MORC2: variants seen among roughly 807,000 people sequenced by gnomAD.
The protein encoded by MORC2 is ATPase MORC2.
Under a neutral mutation model 136.0 loss-of-function variants are expected in MORC2, and 30 were observed. The observed-to-expected ratio is 0.22, with a 90% CI of 0.17 to 0.30. The LOEUF (loss-of-function observed/expected upper bound fraction) is 0.30, where lower values mean the gene tolerates loss of function less well. Ranked by LOEUF, MORC2 falls within the 10% of genes least tolerant of loss-of-function variation. The probability of loss-of-function intolerance (pLI) is 1.00; values close to 1 mark genes in which losing one functional copy is unlikely to be tolerated. For missense variants in MORC2, 922 were observed against 1,333.1 expected (o/e 0.69, Z 4.80); for synonymous variants, 439 against 487.0 (o/e 0.90, Z 1.30).
At chr22:30,967,791 G>GTTACCTCA in intron 1 of MORC2, 31 bp downstream of exon 1, 1 of 1,550,342 alleles carries the variant, frequency 6.5e-7, no homozygotes, top group East Asian at 2.4e-5. Context: ...CGAGTTACTG[G>GTTACCTCA]TTACCTCAGT....
chr22:30,938,565 G>A lies in MORC2; in HGVS notation c.1074-360C>T, dbSNP rs190200848. Among the ~76,000 whole-genome samples the A allele has an allele frequency of 3.2e-4, 49 of 152,232 alleles. No individual in the cohort carries two copies. The East Asian group carries it at 9.1e-3, about 28-fold the overall frequency. Reference sequence around the variant, plus strand: ...TCCCCAAAATTCCACTAGTATGATAGTAAATTATTATAATTTTTTTTTGAG... The same window carrying A: ...TCCCCAAAATTCCACTAGTATGATAATAAATTATTATAATTTTTTTTTGAG... On this transcript the variant is annotated intron_variant, in intron 12 of 25. Transcript: ENST00000397641.
At chr22:30,938,229 C>CG in intron 12 of MORC2, 24 bp from the exon 13 acceptor site, 4 of 1,450,432 alleles carry the variant, frequency 2.8e-6, no homozygotes, top group South Asian at 1.5e-5. Context: ...AAAACTCAAG[C>CG]AGATCTACAC....
chr22:30,961,143 T>G (rs1330277090), intron 1 of MORC2, among the ~76,000 whole-genome samples: 1 of 152,184 alleles, frequency 6.6e-6, no homozygotes, highest in Non-Finnish European at 1.5e-5. Context: ...GTGCTGGAAT[T>G]ACAGGCGTGA....
intron 1 of MORC2, among the ~76,000 whole-genome samples, chr22:30,964,429 C>T (rs1206682980): frequency 4.6e-5 from 7 of 152,054 alleles, no homozygotes; most frequent in Non-Finnish European, 4.4e-5. Context: ...ACTAAATGTG[C>T]CAACAAAAAT....
rs2040590450 is a variant in MORC2 at position 30,932,541 on chromosome 22, G to A, written c.2747+4C>T. 6.2e-7 allele frequency: 1 copy of A among 1,612,990 alleles called. No individual in the cohort carries two copies. Among genetic ancestry groups the A allele is most frequent in the Admixed American group, 1.7e-5 (1 of 59,956 alleles). ...TGGGGTGGGAAGACAAAAGACACAT[G>A]TACCGGAGGATCTGGACAAGCAGGT... On this transcript the variant is annotated splice_donor_region_variant and intron_variant, in intron 23 of 25. Transcript: ENST00000397641. This position sits in a 1 kb window ranked among gnomAD's most constrained non-coding sequence, Gnocchi z 4.4.
intron 1 of MORC2, chr22:30,967,028 C>T: frequency 1.1e-6 from 1 of 916,720 alleles, no homozygotes; most frequent in Non-Finnish European, 1.3e-6. Flanking sequence ...TGTAGCTGCT[C>T]ATCTCCTCTC....
At chr22:30,956,006 C>CAAAAAA (rs576674402) in intron 3 of MORC2, among the ~76,000 whole-genome samples, 1 of 51,532 alleles carries the variant, frequency 1.9e-5, no homozygotes, top group African/African-American at 7.6e-5. Context: ...GACTCCATCT[C>CAAAAAA]AAAAAAAAAA....
intron 1 of MORC2, among the ~76,000 whole-genome samples, chr22:30,964,987 A>C (rs2041104930): frequency 6.6e-6 from 1 of 152,252 alleles, no homozygotes; most frequent in Non-Finnish European, 1.5e-5. Flanking sequence ...ACATCATTTC[A>C]TATAATCCTC....
chr22:30,928,256 C>T, intron 24 of MORC2, 49 bp from the exon 25 acceptor site: 1 of 1,598,676 alleles, frequency 6.3e-7, no homozygotes, highest in Non-Finnish European at 8.6e-7. Context: ...ACAGGGGTCC[C>T]CAGGGCCCTT....
intron 20 of MORC2, 101 bp downstream of exon 20, chr22:30,933,959 G>T: frequency 6.9e-7 from 1 of 1,452,964 alleles, no homozygotes; most frequent in Non-Finnish European, 9.5e-7. Context: ...TGTGTAGACT[G>T]CTGGTGGATG....
intron 25 of MORC2, among the ~76,000 whole-genome samples, chr22:30,927,537 C>T (rs1258619830): frequency 6.6e-6 from 1 of 152,212 alleles, no homozygotes; most frequent in Non-Finnish European, 1.5e-5. Context: ...TACTGTATCT[C>T]CTTATGAACC....
intron 6 of MORC2, among the ~76,000 whole-genome samples, chr22:30,943,552 C>T (rs1053081732): frequency 2.0e-5 from 3 of 152,346 alleles, no homozygotes; most frequent in Admixed American, 1.3e-4. Context: ...GCTCCTCCCT[C>T]GGTGGTTATG....
chr22:30,932,250 G>A lies in MORC2; in HGVS notation c.2841+109C>T. 1 of 951,220 alleles carries A rather than the reference G, an allele frequency of 1.1e-6. No homozygotes were observed. The highest frequency in any genetic ancestry group is 1.6e-6 in the Non-Finnish European group (1 of 617,466). The allele number at this position is 951,220 out of a possible 1,614,324, so 58.9% of individuals were successfully genotyped here. A position where few individuals can be genotyped will look rare whatever the true frequency, so the allele number is the denominator to read the frequency against. ...GCTGAGATGGAGCACACAGCTGAGA[G>A]CTAGCAACTGCAACAAGCGTAACAA... On this transcript the variant is annotated intron_variant, in intron 24 of 25. Coordinates refer to ENST00000397641, the MANE Select transcript of MORC2 (RefSeq NM_001303256.3). The surrounding 1 kb of genome is among the most constrained non-coding windows in gnomAD (Gnocchi z 4.4).
chr22:30,945,433 G>C (rs549577906), intron 6 of MORC2, among the ~76,000 whole-genome samples: 11 of 152,216 alleles, frequency 7.2e-5, no homozygotes, highest in Non-Finnish European at 1.2e-4. Flanking sequence ...GAATTAAATT[G>C]TAAGTCTGAA....
chr22:30,956,524 T>A (rs1315976367), intron 3 of MORC2, among the ~76,000 whole-genome samples: 1 of 152,248 alleles, frequency 6.6e-6, no homozygotes, highest in Admixed American at 6.5e-5. Context: ...TACTAGTAGC[T>A]ATTTACATAG....
intron 6 of MORC2, among the ~76,000 whole-genome samples, chr22:30,943,498 ACT>A (rs971511115): frequency 1.3e-5 from 2 of 151,808 alleles, no homozygotes; most frequent in African/African-American, 4.8e-5. Context: ...AAAAAATCCT[ACT>A]CTTTCTTCAA....
In MORC2 at chr22:30,937,879, C is replaced by A. The variant is rs2040679430; in HGVS notation, c.1305G>T (p.Glu435Asp). Residue 435 changes from glutamate (E) to aspartate (D), a missense_variant, in exon 14 of 26, where the codon GAG (glutamate) becomes GAT (aspartate). This residue lies in a region of MORC2 where 119 missense variants were observed against 202.7 expected (regional missense o/e 0.59). Coordinates refer to ENST00000397641, the MANE Select transcript of MORC2 (RefSeq NM_001303256.3). This position sits in a 1 kb window ranked among gnomAD's most constrained non-coding sequence, Gnocchi z 4.7. ...CCATTGCTCGGAGCAGGTGCCGGTA[C>A]TCCTTGGCATCAGCAAAGTCCTGTT... ...HNKQDFADAK[E>D]YRHLLRAMGE... 1.2e-6 allele frequency: 2 copies of A among 1,614,148 alleles called. No individual in the cohort carries two copies. Among genetic ancestry groups the A allele is most frequent in the Non-Finnish European group, 1.7e-6 (2 of 1,180,032 alleles).
rs2040583823 is a variant in MORC2, at chr22:30,932,123, GTGGGAAGGGGT to G, written c.2841+225_2841+235del. On this transcript the variant is annotated intron_variant, in intron 24 of 25. Transcript: ENST00000397641. The surrounding 1 kb of genome is among the most constrained non-coding windows in gnomAD (Gnocchi z 4.4). ...GATGACTCAACTCCTAGCACCTGTG[GTGGGAAGGGGT>G]TGGCTTTCTGCACACCAGAGTCATA... 1 of 474,236 alleles carries G rather than the reference GTGGGAAGGGGT, an allele frequency of 2.1e-6. No homozygotes were observed. Among genetic ancestry groups the G allele is most frequent in the Non-Finnish European group, 3.8e-6 (1 of 263,618 alleles). 29.4% of individuals were successfully genotyped at this position (474,236 alleles called of 1,614,324 possible). A position where few individuals can be genotyped will look rare whatever the true frequency, so the allele number is the denominator to read the frequency against.
At chr22:30,959,964 T>G (rs137979716) in intron 1 of MORC2, among the ~76,000 whole-genome samples, 42 of 152,336 alleles carry the variant, frequency 2.8e-4, no homozygotes, top group African/African-American at 1.0e-3. Flanking sequence ...AAATGCAATT[T>G]TTTTGTTTTG....
Sources: gnomAD v4.1 joint callset for allele counts (sites outside exome capture counted in the v4.1 genomes callset) on GRCh38, gnomAD v4.1.1 for gene constraint, gnomAD v4.1.1 regional missense constraint, Gnocchi (gnomAD v3.1) non-coding constraint, MANE v1.5 for transcripts, NCBI Gene and HGNC (gene_info 2026-07-23, HGNC 2026-07-21) for gene names.